RNF152: variants seen among roughly 807,000 people sequenced by gnomAD.
RNF152 encodes the protein E3 ubiquitin-protein ligase RNF152.
A neutral mutation model predicts 12.7 loss-of-function variants in RNF152; 11 were observed. That is an observed-to-expected ratio of 0.86 (90% CI 0.54 to 1.43). RNF152 has a LOEUF of 1.43. Among genes scored for constraint, RNF152 ranks in the 40% most tolerant of loss-of-function variants. The probability of loss-of-function intolerance (pLI) is 0.00; values close to 1 mark genes in which losing one functional copy is unlikely to be tolerated. For synonymous variants in RNF152, 113 were observed against 120.3 expected (o/e 0.94, Z 0.40); for missense variants, 255 against 274.8 (o/e 0.93, Z 0.51).
At position 61,811,525 on chromosome 18, in the gene RNF152, T is replaced by G. The variant is rs748493777; in HGVS notation, c.*4327A>C. 1.2e-4 allele frequency: 19 copies of G among 152,240 alleles called. No individual in the cohort carries two copies. The highest frequency in any genetic ancestry group is 2.5e-4 in the Non-Finnish European group (17 of 68,038). The allele number at this position is 152,240 out of a possible 1,614,324, so 9.4% of individuals were successfully genotyped here. A position where few individuals can be genotyped will look rare whatever the true frequency, so the allele number is the denominator to read the frequency against. On this transcript the variant is annotated 3_prime_UTR_variant, in exon 2 of 2. Transcript: ENST00000312828. ...AAAGACACTAAAACAATGTCAAATC[T>G]CATTCTAAAAATACTACCTACATTT...
chr18:61,839,786 T>A (rs1164387109), intron 1 of RNF152, among the ~76,000 whole-genome samples: 1 of 152,154 alleles, frequency 6.6e-6, no homozygotes. Flanking sequence ...TCCCAGCTAC[T>A]CGGGAGGCTG....
intron 1 of RNF152, among the ~76,000 whole-genome samples, chr18:61,875,454 T>C (rs77712748): frequency 0.032 from 4,862 of 152,304 alleles, 269 homozygotes; most frequent in African/African-American, 0.11. Context: ...TTTTTTTCTT[T>C]GTTCCTACAA....
chr18:61,829,757 C>A (rs1444893985), intron 1 of RNF152, among the ~76,000 whole-genome samples: 2 of 151,938 alleles, frequency 1.3e-5, no homozygotes, highest in Non-Finnish European at 2.9e-5. Flanking sequence ...CCAGGAGTAG[C>A]TGGAAGCGGA....
At position 61,817,341 on chromosome 18, in the gene RNF152, A is replaced by T. The variant is rs139198900; in HGVS notation, c.-135-743T>A. On this transcript the variant is annotated intron_variant, in intron 1 of 1. Transcript: ENST00000312828. ...TTTTCCAGTCAGTTCTTTTTGTTTC[A>T]TTACTACTTAGGCTTGTACCAAGTA... Among the ~76,000 whole-genome samples the T allele has an allele frequency of 8.5e-3, 1,301 of 152,322 alleles. 10 individuals are homozygous for T. The highest frequency in any genetic ancestry group is 0.014 in the Non-Finnish European group (982 of 68,030).
At chr18:61,881,071 G>A (rs969037455) in intron 1 of RNF152, among the ~76,000 whole-genome samples, 6 of 151,784 alleles carry the variant, frequency 4.0e-5, no homozygotes, top group East Asian at 1.9e-4. Context: ...ATGCCACCAC[G>A]CCCAACTAAT....
intron 1 of RNF152, among the ~76,000 whole-genome samples, chr18:61,834,933 T>TC (rs1910114951): frequency 6.6e-6 from 1 of 152,056 alleles, no homozygotes; most frequent in Non-Finnish European, 1.5e-5. Context: ...GGGGGTAGGG[T>TC]CCCACTGCAA....
At chr18:61,873,111 A>G (rs975660066) in intron 1 of RNF152, among the ~76,000 whole-genome samples, 3 of 152,176 alleles carry the variant, frequency 2.0e-5, no homozygotes, top group Non-Finnish European at 2.9e-5. Context: ...AAGCTACTAA[A>G]GTTCACTGTG....
At chr18:61,836,988 G>A (rs989734142) in intron 1 of RNF152, among the ~76,000 whole-genome samples, 6 of 152,302 alleles carry the variant, frequency 3.9e-5, no homozygotes, top group Non-Finnish European at 8.8e-5. Flanking sequence ...AAATGATAAA[G>A]AGAGTTATCT....
intron 1 of RNF152, among the ~76,000 whole-genome samples, chr18:61,849,568 T>A (rs1220542043): frequency 6.6e-6 from 1 of 152,206 alleles, no homozygotes; most frequent in East Asian, 1.9e-4. Context: ...TTCCAAAATA[T>A]GCAGAAAGAA....
intron 1 of RNF152, among the ~76,000 whole-genome samples, chr18:61,833,121 T>C (rs1457202168): frequency 6.6e-6 from 1 of 152,230 alleles, no homozygotes; most frequent in Non-Finnish European, 1.5e-5. Context: ...GAAATTACTA[T>C]TTCCTTGCTT....
intron 1 of RNF152, among the ~76,000 whole-genome samples, chr18:61,852,449 T>C (rs530735230): frequency 2.2e-3 from 333 of 152,318 alleles, no homozygotes; most frequent in Middle Eastern, 0.01. Flanking sequence ...CCTGCCACAA[T>C]TACAGCATCG....
chr18:61,823,633 G>T (rs1909523191), intron 1 of RNF152, among the ~76,000 whole-genome samples: 1 of 152,248 alleles, frequency 6.6e-6, no homozygotes, highest in Admixed American at 6.5e-5. Flanking sequence ...TATTTAAACA[G>T]GGAATAGGGC....
chr18:61,823,045 G>A (rs748546356), intron 1 of RNF152, among the ~76,000 whole-genome samples: 32 of 152,218 alleles, frequency 2.1e-4, no homozygotes, highest in Admixed American at 1.7e-3. Context: ...GGGAATGCCC[G>A]GTGACAGATG....
intron 1 of RNF152, among the ~76,000 whole-genome samples, chr18:61,864,283 T>C (rs1911631292): frequency 6.6e-6 from 1 of 152,170 alleles, no homozygotes; most frequent in Non-Finnish European, 1.5e-5. Context: ...GTGGGGTTTC[T>C]CACAACCCCC....
chr18:61,868,992 T>C (rs980597156), intron 1 of RNF152, among the ~76,000 whole-genome samples: 3 of 152,146 alleles, frequency 2.0e-5, no homozygotes, highest in Admixed American at 1.3e-4. Flanking sequence ...TGAGAGTAAC[T>C]AAAAAGCATT....
rs1008500858 is a variant in RNF152 at position 61,887,489 on chromosome 18, C to T, written c.-136+5306G>A. 3.9e-5 allele frequency among the ~76,000 whole-genome samples: 6 copies of T among 152,176 alleles called. No individual in the cohort carries two copies. In the South Asian group the frequency reaches 8.3e-4, roughly 21 times the overall value. On this transcript the variant is annotated intron_variant, in intron 1 of 1. Coordinates refer to ENST00000312828, the MANE Select transcript of RNF152 (RefSeq NM_173557.3). ...ATTCCAGCATTTTGGGAGCCCAAGGCGGGTGGATCACGAGGTCAGGAGTTC... is the reference window on the plus strand; with the variant it reads ...ATTCCAGCATTTTGGGAGCCCAAGGTGGGTGGATCACGAGGTCAGGAGTTC...
rs781491196 is a variant in RNF152, at chr18:61,816,104, G to A, written c.360C>T (p.Arg120=). Residue 120 remains arginine (R), a synonymous_variant, in exon 2 of 2, where the codon CGC becomes CGT. Transcript: ENST00000312828. ...ACTTCTGCTGGCTCCCGGGCAGCAG[G>A]CGGCAGCCCATGTCTCCGGGCAGCA... ...RALLPGDMGC[R]LLPGSQQKSV... The A allele has an allele frequency of 3.7e-6, 6 of 1,614,068 alleles. No homozygotes were observed. Among genetic ancestry groups the A allele is most frequent in the Non-Finnish European group, 4.2e-6 (5 of 1,180,028 alleles).
At chr18:61,862,250 T>C (rs969641629) in intron 1 of RNF152, among the ~76,000 whole-genome samples, 1 of 152,216 alleles carries the variant, frequency 6.6e-6, no homozygotes, top group African/African-American at 2.4e-5. Context: ...AGTACTTTCA[T>C]GTCTACCACC....
intron 1 of RNF152, among the ~76,000 whole-genome samples, chr18:61,857,613 C>T (rs1346995809): frequency 1.3e-5 from 2 of 152,150 alleles, no homozygotes; most frequent in African/African-American, 4.8e-5. Flanking sequence ...TCTTCCATCT[C>T]ATCGCCATGT....
Sources: allele counts gnomAD v4.1 joint callset (sites outside exome capture counted in the v4.1 genomes callset), GRCh38; gene constraint gnomAD v4.1.1; transcripts MANE v1.5; gene names NCBI Gene and HGNC (gene_info 2026-07-23, HGNC 2026-07-21).